CSPP1: variants seen among roughly 807,000 people sequenced by gnomAD.
The protein encoded by CSPP1 is centrosome and spindle pole associated protein 1.
Under a neutral mutation model 164.4 loss-of-function variants are expected in CSPP1, and 126 were observed. The ratio of observed to expected loss-of-function variants is 0.77; its 90% CI spans 0.66 to 0.89. The LOEUF is 0.89. Among genes scored for constraint, CSPP1 ranks in the 40% least tolerant of loss-of-function variants. The pLI is 0.00. For missense variants in CSPP1, 1,395 were observed against 1,449.8 expected (o/e 0.96, Z 0.61); for synonymous variants, 472 against 476.7 (o/e 0.99, Z 0.13).
chr8:67,111,028 G>A (rs1816745911), intron 9 of CSPP1, among the ~76,000 whole-genome samples: 1 of 152,108 alleles, frequency 6.6e-6, no homozygotes, highest in Non-Finnish European at 1.5e-5. Context: ...CACTTTTGCT[G>A]ACATCTATGC....
chr8:67,163,659 A>G (rs1040421400), intron 22 of CSPP1, 73 bp from the exon 23 acceptor site: 9 of 1,134,762 alleles, frequency 7.9e-6, no homozygotes, highest in Non-Finnish European at 1.2e-5. Context: ...TAAATACTTC[A>G]AAAAATTACT....
Position 67,086,067 on chromosome 8 carries a change from T to A in CSPP1, c.260T>A (p.Leu87Ter). ...GACTATGAACGGAAGAAACATAAAT[T>A]AAAAGAAGAATTGCGGCAAGATTAC... The part of the protein sequence containing the change: ...GEDYERKKHK[L>*]KEELRQDYRR... Residue 87 changes from leucine to a stop codon, truncating the protein, a stop_gained, in exon 4 of 31, where the codon TTA becomes TAA. Transcript: ENST00000678616. LOFTEE classifies it high-confidence loss of function. 6.6e-7 allele frequency: 1 copy of A among 1,524,726 alleles called. No homozygotes were observed. Among genetic ancestry groups the A allele is most frequent in the Non-Finnish European group, 9.1e-7 (1 of 1,098,732 alleles). The allele number at this position is 1,524,726 out of a possible 1,614,324, so 94.4% of individuals were successfully genotyped here. A position where few individuals can be genotyped will look rare whatever the true frequency, so the allele number is the denominator to read the frequency against.
intron 25 of CSPP1, 128 bp downstream of exon 25, chr8:67,172,683 GA>G: frequency 1.2e-6 from 1 of 816,042 alleles, no homozygotes; most frequent in South Asian, 2.2e-5. Context: ...TAGTTAAAAT[GA>G]AATGAAACTT....
At chr8:67,118,924 G>C (rs1184200301) in intron 15 of CSPP1, 103 bp downstream of exon 15, 4 of 734,206 alleles carry the variant, frequency 5.4e-6, no homozygotes, top group Non-Finnish European at 7.1e-6. Context: ...ATACTATTTA[G>C]TGGTATTTAA....
Position 67,159,148 on chromosome 8 carries a change from G to A in CSPP1, c.2538+11G>A, listed in dbSNP as rs758376225. On this transcript the variant is annotated intron_variant, in intron 21 of 30. Transcript: ENST00000678616. ...GGGGAAGAAACAAAGGTAAGTTTCAGACAAAAATGTCAATCAAACCCATAG... is the reference window on the plus strand; with the variant it reads ...GGGGAAGAAACAAAGGTAAGTTTCAAACAAAAATGTCAATCAAACCCATAG... 33 of 1,593,410 alleles carry A rather than the reference G, an allele frequency of 2.1e-5. No individual in the cohort carries two copies. Among genetic ancestry groups the A allele is most frequent in the Non-Finnish European group, 2.7e-5 (32 of 1,174,118 alleles).
chr8:67,168,473 A>T (rs1829903396), intron 24 of CSPP1, among the ~76,000 whole-genome samples: 1 of 152,248 alleles, frequency 6.6e-6, no homozygotes, highest in African/African-American at 2.4e-5. Context: ...TGAAAATTAT[A>T]CATGATAATT....
intron 29 of CSPP1, among the ~76,000 whole-genome samples, chr8:67,192,090 T>TG (rs1836481195): frequency 6.6e-6 from 1 of 151,448 alleles, no homozygotes; most frequent in African/African-American, 2.4e-5. Flanking sequence ...TTTTTTTTTT[T>TG]GATACAGAGT....
intron 24 of CSPP1, among the ~76,000 whole-genome samples, chr8:67,167,251 C>T (rs1226036213): frequency 5.4e-5 from 8 of 147,644 alleles, no homozygotes; most frequent in South Asian, 2.1e-4. Flanking sequence ...ACCTCCCAGA[C>T]GGGGTGGCGG....
At position 67,094,097 on chromosome 8, in the gene CSPP1, G is replaced by A. The variant is rs1465431257; in HGVS notation, c.483+456G>A. ...ATTGCCTCACTGCACTCCAGCCTGG[G>A]TGACAGAGCGAGACCTGGTCTGAAA... On this transcript the variant is annotated intron_variant, in intron 6 of 30. Transcript: ENST00000678616. 4.7e-5 allele frequency among the ~76,000 whole-genome samples: 5 copies of A among 106,714 alleles called. No homozygotes were observed. The Admixed American group carries it at 6.8e-4, about 15-fold the overall frequency. 70.0% of individuals were successfully genotyped at this position (106,714 alleles called of 152,430 possible). A position where few individuals can be genotyped will look rare whatever the true frequency, so the allele number is the denominator to read the frequency against.
chr8:67,138,451 C>A (rs985816922), intron 17 of CSPP1, among the ~76,000 whole-genome samples: 8 of 152,146 alleles, frequency 5.3e-5, no homozygotes, highest in African/African-American at 7.2e-5. Flanking sequence ...AGACTTTTCA[C>A]ATGTTCAGTG....
In CSPP1 at chr8:67,064,440, C is replaced by T. The variant is rs553445898; in HGVS notation, c.-109C>T. On this transcript the variant is annotated 5_prime_UTR_variant, in exon 1 of 31. Coordinates refer to ENST00000678616, the MANE Select transcript of CSPP1 (RefSeq NM_001382391.1). ...AGGTGGCCGCTGTAACCTCTTCGGT[C>T]CGCGACGATCCTCTAGAGCACTGTG... 3.7e-6 allele frequency: 6 copies of T among 1,613,836 alleles called. No homozygotes were observed. Among genetic ancestry groups the T allele is most frequent in the Non-Finnish European group, 5.1e-6 (6 of 1,179,922 alleles).
chr8:67,184,206 A>G (rs1024863062), intron 28 of CSPP1, among the ~76,000 whole-genome samples: 1 of 152,244 alleles, frequency 6.6e-6, no homozygotes, highest in South Asian at 2.1e-4. Flanking sequence ...CTGTGCATAC[A>G]TGAAGAAAGT....
At chr8:67,111,061 G>A (rs1015090623) in intron 9 of CSPP1, among the ~76,000 whole-genome samples, 12 of 152,202 alleles carry the variant, frequency 7.9e-5, no homozygotes, top group African/African-American at 2.7e-4. Context: ...CTGAGATGCT[G>A]TGTGCCCACT....
chr8:67,160,375 GA>G (rs530239326), intron 21 of CSPP1, among the ~76,000 whole-genome samples: 822 of 150,944 alleles, frequency 5.4e-3, no homozygotes, highest in Non-Finnish European at 9.3e-3. Flanking sequence ...TGAGGCAAGA[GA>G]ATCGCCTGAA....
At chr8:67,096,796 C>G (rs1430378176) in intron 7 of CSPP1, among the ~76,000 whole-genome samples, 1 of 152,044 alleles carries the variant, frequency 6.6e-6, no homozygotes, top group Non-Finnish European at 1.5e-5. Context: ...ACCTGGGAGG[C>G]AGAGGTTGCA....
At chr8:67,169,173 A>C (rs985480525) in intron 24 of CSPP1, among the ~76,000 whole-genome samples, 1 of 152,202 alleles carries the variant, frequency 6.6e-6, no homozygotes, top group African/African-American at 2.4e-5. Context: ...TCAAAAATAG[A>C]GGAGACCTAG....
intron 8 of CSPP1, 133 bp downstream of exon 8, chr8:67,103,268 A>G (rs1814537755): frequency 1.7e-6 from 1 of 583,656 alleles, no homozygotes; most frequent in Non-Finnish European, 3.0e-6. Context: ...AAGTGAATTA[A>G]AGGAAAAGAA....
intron 4 of CSPP1, chr8:67,086,905 CG>C (rs2129543706): frequency 1.2e-6 from 1 of 810,208 alleles, no homozygotes; most frequent in African/African-American, 1.9e-5. Flanking sequence ...TTTTTTTTTA[CG>C]ATCTAGAAGG....
Position 67,076,591 on chromosome 8 carries a change from T to C in CSPP1, c.199+10T>C, listed in dbSNP as rs1807965123. 7 of 1,471,068 alleles carry C rather than the reference T, an allele frequency of 4.8e-6. No individual in the cohort carries two copies. The highest frequency in any genetic ancestry group is 6.5e-6 in the Non-Finnish European group (7 of 1,070,514). The allele number at this position is 1,471,068 out of a possible 1,614,324, so 91.1% of individuals were successfully genotyped here. A position where few individuals can be genotyped will look rare whatever the true frequency, so the allele number is the denominator to read the frequency against. On this transcript the variant is annotated intron_variant, in intron 3 of 30. Coordinates refer to ENST00000678616, the MANE Select transcript of CSPP1 (RefSeq NM_001382391.1). The stretch of plus-strand genomic sequence containing the variant: ...ACCAGGGGTTCCTTAGGTATGTCAT[T>C]AGATGTGCTAAACTTATTTTAAGAT...
Sources: gnomAD v4.1 joint callset for allele counts (sites outside exome capture counted in the v4.1 genomes callset) on GRCh38, gnomAD v4.1.1 for gene constraint, MANE v1.5 for transcripts, NCBI Gene and HGNC (gene_info 2026-07-23, HGNC 2026-07-21) for gene names.